PHF20: variants seen among roughly 807,000 people sequenced by gnomAD.
PHF20 encodes PHD finger protein 20.
In PHF20, 23 loss-of-function variants were observed where a neutral mutation model predicts 113.5. That is an observed-to-expected ratio of 0.20 (90% CI 0.15 to 0.29). The LOEUF (loss-of-function observed/expected upper bound fraction) is 0.29. PHF20 is among the 10% of genes least tolerant of loss of function. The probability of loss-of-function intolerance (pLI) is 1.00; values close to 1 mark genes in which losing one functional copy is unlikely to be tolerated. For synonymous variants in PHF20, 434 were observed against 457.3 expected, an observed-to-expected ratio of 0.95 and a Z score of 0.65; for missense variants, 943 against 1,219.6, an observed-to-expected ratio of 0.77 and a Z score of 3.38.
Position 35,947,802 on chromosome 20 carries a change from G to A in PHF20, c.*175G>A, listed in dbSNP as rs2056113414. On this transcript the variant is annotated 3_prime_UTR_variant, in exon 18 of 18. Coordinates refer to ENST00000374012, the MANE Select transcript of PHF20 (RefSeq NM_016436.5). Reference sequence around the variant, plus strand: ...AAAGAGGCCATTTTGGCTGCGGGAGGACACTCTGATCTCGAAGCCTGCCAT... The same window carrying A: ...AAAGAGGCCATTTTGGCTGCGGGAGAACACTCTGATCTCGAAGCCTGCCAT... 6.5e-6 allele frequency: 4 copies of A among 615,608 alleles called. No homozygotes were observed. Among genetic ancestry groups the A allele is most frequent in the Admixed American group, 3.0e-5 (1 of 33,756 alleles). The allele number at this position is 615,608 out of a possible 1,614,324, so 38.1% of individuals were successfully genotyped here.
intron 4 of PHF20, among the ~76,000 whole-genome samples, chr20:35,851,613 C>A (rs1022153384): frequency 2.3e-4 from 34 of 149,492 alleles, no homozygotes; most frequent in African/African-American, 8.3e-4. Flanking sequence ...GCCTAGATAG[C>A]CTTTAACGAT....
intron 2 of PHF20, among the ~76,000 whole-genome samples, chr20:35,830,625 C>A (rs2042342384): frequency 6.6e-6 from 1 of 152,000 alleles, no homozygotes; most frequent in South Asian, 2.1e-4. Context: ...GGATATATAC[C>A]CAGAAGTGGA....
At chr20:35,806,956 C>T (rs553999093) in intron 2 of PHF20, among the ~76,000 whole-genome samples, 9 of 151,992 alleles carry the variant, frequency 5.9e-5, no homozygotes, top group South Asian at 4.1e-4. Context: ...CCACCACGCC[C>T]GGCTAATTTT....
At chr20:35,791,441 GTATCTATCTATCTATC>G (rs72192292) in intron 1 of PHF20, among the ~76,000 whole-genome samples, 12,794 of 131,272 alleles carry the variant, frequency 0.097, 699 homozygotes, top group African/African-American at 0.14. Flanking sequence ...TACCAGAATA[GTATCTATCTATCTATC>G]TATCTATCTA....
At chr20:35,910,377 G>T (rs1343439139) in intron 10 of PHF20, among the ~76,000 whole-genome samples, 1 of 152,128 alleles carries the variant, frequency 6.6e-6, no homozygotes, top group Non-Finnish European at 1.5e-5. Context: ...AAATGCAACT[G>T]AATTGGTTGT....
intron 1 of PHF20, among the ~76,000 whole-genome samples, chr20:35,778,107 A>C (rs149916518): frequency 5.3e-5 from 8 of 152,134 alleles, no homozygotes; most frequent in African/African-American, 1.9e-4. Context: ...ATTTTGAGAA[A>C]GGGTCTTGCT....
At chr20:35,908,581 C>T (rs1468032565) in intron 10 of PHF20, among the ~76,000 whole-genome samples, 1 of 152,156 alleles carries the variant, frequency 6.6e-6, no homozygotes, top group Non-Finnish European at 1.5e-5. Context: ...AAAACTGGAT[C>T]AGGGAGCAGT....
At chr20:35,802,938 GAAAAAAA>G (rs768194320) in intron 2 of PHF20, among the ~76,000 whole-genome samples, 1 of 69,178 alleles carries the variant, frequency 1.4e-5, no homozygotes, top group Non-Finnish European at 2.9e-5. Context: ...GACTCGGTCT[GAAAAAAA>G]AAAAAAAAAA....
In PHF20 at chr20:35,899,509, G is replaced by A. The variant is rs2055053831; in HGVS notation, c.1422G>A (p.Lys474=). Residue 474 remains lysine, a synonymous_variant, in exon 10 of 18, where the codon AAG becomes AAA. Coordinates refer to ENST00000374012, the MANE Select transcript of PHF20 (RefSeq NM_016436.5). ...CCAAACTGTTGCACTATCACATGAA[G>A]TATTTCCATGGAATGGAGAAGTCAC... ...RKAKLLHYHM[K]YFHGMEKSLE... 4 of 1,614,178 alleles carry A rather than the reference G, an allele frequency of 2.5e-6. No individual in the cohort carries two copies. Among genetic ancestry groups the A allele is most frequent in the Non-Finnish European group, 2.5e-6 (3 of 1,180,046 alleles).
intron 2 of PHF20, among the ~76,000 whole-genome samples, chr20:35,805,801 C>T (rs866474193): frequency 7.2e-5 from 11 of 152,028 alleles, no homozygotes; most frequent in Middle Eastern, 6.8e-3. Flanking sequence ...AACTGAAACA[C>T]AAATTTTATG....
chr20:35,775,866 G>A (rs558261877), intron 1 of PHF20, among the ~76,000 whole-genome samples: 2 of 152,004 alleles, frequency 1.3e-5, no homozygotes, highest in South Asian at 4.2e-4. Flanking sequence ...AAGCTGGAGT[G>A]CAGTGGTGTG....
intron 2 of PHF20, among the ~76,000 whole-genome samples, chr20:35,803,919 A>G (rs539769322): frequency 6.6e-6 from 1 of 151,986 alleles, no homozygotes; most frequent in East Asian, 1.9e-4. Context: ...TAATGGCACA[A>G]TCATAGTTCA....
At chr20:35,870,247 T>C (rs530100626) in intron 7 of PHF20, among the ~76,000 whole-genome samples, 328 of 139,648 alleles carry the variant, frequency 2.3e-3, no homozygotes, top group African/African-American at 8.6e-3. Flanking sequence ...GAGCTAGCAG[T>C]GAGCCGAGAT....
chr20:35,870,303 CAAAA>C (rs1174014648), intron 7 of PHF20, among the ~76,000 whole-genome samples: 5,162 of 52,612 alleles, frequency 0.098, 108 homozygotes, highest in South Asian at 0.2. Context: ...GACTCCGTCT[CAAAA>C]AAAAAAAAAA....
chr20:35,867,045 G>T (rs867483685), intron 6 of PHF20, among the ~76,000 whole-genome samples: 43 of 152,234 alleles, frequency 2.8e-4, no homozygotes, highest in African/African-American at 9.9e-4. Flanking sequence ...AGAAGAGTTT[G>T]GGAAACACTC....
At chr20:35,810,865 A>G (rs2041964547) in intron 2 of PHF20, among the ~76,000 whole-genome samples, 1 of 152,100 alleles carries the variant, frequency 6.6e-6, no homozygotes, top group African/African-American at 2.4e-5. Flanking sequence ...CGTTTGTTTT[A>G]TTATCTCTAG....
At chr20:35,882,620 G>T (rs1001564765) in intron 9 of PHF20, among the ~76,000 whole-genome samples, 7 of 152,178 alleles carry the variant, frequency 4.6e-5, no homozygotes, top group Non-Finnish European at 1.0e-4. Flanking sequence ...TGGAGACAGG[G>T]TCTAGATATA....
At chr20:35,883,200 G>A (rs1269038200) in intron 9 of PHF20, among the ~76,000 whole-genome samples, 1 of 151,772 alleles carries the variant, frequency 6.6e-6, no homozygotes, top group Non-Finnish European at 1.5e-5. Context: ...TGACAACAGA[G>A]TGAGACCCTG....
At chr20:35,829,379 A>T (rs1348313266) in intron 2 of PHF20, among the ~76,000 whole-genome samples, 3 of 151,876 alleles carry the variant, frequency 2.0e-5, no homozygotes, top group Non-Finnish European at 4.4e-5. Flanking sequence ...TTGGTGATAG[A>T]TTCTCACTCT....
Sources: allele counts gnomAD v4.1 joint callset (sites outside exome capture counted in the v4.1 genomes callset), GRCh38; gene constraint gnomAD v4.1.1; transcripts MANE v1.5; gene names NCBI Gene and HGNC (gene_info 2026-07-23, HGNC 2026-07-21).